The following RPGR variants were observed in gnomAD, a reference collection of about 807,000 sequenced individuals.
RPGR encodes retinitis pigmentosa GTPase regulator.
RPGR carries 10 observed loss-of-function variants against 56.3 expected under a neutral mutation model. That is an observed-to-expected ratio of 0.18 (90% CI 0.11 to 0.30). RPGR has a LOEUF of 0.30. Among genes scored for constraint, RPGR ranks in the 10% least tolerant of loss-of-function variants. The pLI is 1.00. For synonymous variants in RPGR, 197 were observed against 212.9 expected, an observed-to-expected ratio of 0.93 and a Z score of 0.65; for missense variants, 538 against 590.9, an observed-to-expected ratio of 0.91 and a Z score of 0.93.
At position 38,299,141 on chromosome X, in the gene RPGR, C is replaced by G; in HGVS notation, c.1060G>C (p.Val354Leu). ...ACCATGTGACATCCACCACAAGCAA[C>G]CTGCAGCATAAATCCACAGAAAAAC... Residue 354 changes from valine (V) to leucine (L), a missense_variant and splice_region_variant, in exon 10 of 19, where the codon GTT becomes CTT. Physicochemically the swap from Val to Leu is conservative, Grantham distance 32 (BLOSUM62 1). This residue lies in a region of RPGR where 181 missense variants were observed against 265.1 expected (regional missense o/e 0.68). Coordinates refer to ENST00000642395, the MANE Select transcript of RPGR (RefSeq NM_000328.3). 8.3e-7 allele frequency: 1 copy of G among 1,209,795 alleles called. No homozygotes were observed. The highest frequency in any genetic ancestry group is 3.0e-5 in the East Asian group (1 of 33,788).
At chrX:38,297,156 G>A (rs2067398724) in intron 11 of RPGR, 128 bp downstream of exon 11, 1 of 693,434 alleles carries the variant, frequency 1.4e-6, no homozygotes, top group South Asian at 2.4e-5. Flanking sequence ...GTTCAAATGA[G>A]TGATGTTAGG....
At chrX:38,281,349 G>A (rs2067027774) in intron 15 of RPGR, among the ~76,000 whole-genome samples, 1 of 112,080 alleles carries the variant, frequency 8.9e-6, no homozygotes, top group African/African-American at 3.3e-5. Context: ...CCACATGAGT[G>A]TGATCAGCGT....
chrX:38,321,357 T>C, intron 3 of RPGR, among the ~76,000 whole-genome samples: 1 of 111,508 alleles, frequency 9.0e-6, no homozygotes, highest in Admixed American at 9.5e-5. Context: ...GGCATTTATA[T>C]ATATAATTAT....
At chrX:38,319,985 C>G (rs1488421981) in intron 4 of RPGR, among the ~76,000 whole-genome samples, 1 of 111,537 alleles carries the variant, frequency 9.0e-6, no homozygotes, top group Non-Finnish European at 1.9e-5. Flanking sequence ...GGAAACAAGA[C>G]TAGCTTTCAA....
At chrX:38,303,317 GA>G (rs371659681) in intron 8 of RPGR, among the ~76,000 whole-genome samples, 2,267 of 98,377 alleles carry the variant, frequency 0.023, 37 homozygotes, top group Middle Eastern at 0.065. Flanking sequence ...AGTCCTGGAG[GA>G]AAAAAAAAAA....
chrX:38,316,874 T>C (rs1452184931), intron 6 of RPGR, among the ~76,000 whole-genome samples: 1 of 111,964 alleles, frequency 8.9e-6, no homozygotes, highest in Non-Finnish European at 1.9e-5. Context: ...TTCCTCTAGG[T>C]GTTTTTACTG....
intron 17 of RPGR, among the ~76,000 whole-genome samples, chrX:38,274,275 A>G (rs2147163782): frequency 9.0e-6 from 1 of 111,572 alleles, no homozygotes; most frequent in South Asian, 3.8e-4. Flanking sequence ...GCTCTCTGAC[A>G]CTGATAGGTA....
At chrX:38,272,857 T>C (rs1052699339) in intron 18 of RPGR, among the ~76,000 whole-genome samples, 9 of 112,003 alleles carry the variant, frequency 8.0e-5, no homozygotes, top group Non-Finnish European at 1.7e-4. Context: ...TCAACAGACA[T>C]CTGTGATAGG....
chrX:38,295,557 C>T (rs967345660), intron 11 of RPGR, among the ~76,000 whole-genome samples: 1 of 112,222 alleles, frequency 8.9e-6, no homozygotes, highest in African/African-American at 3.2e-5. Flanking sequence ...CTACATACTG[C>T]TTGCCAGAAT....
rs149742786 is a variant in RPGR, at chrX:38,299,025, C to G, written c.1176G>C (p.Pro392=). Residue 392 remains proline (P), a synonymous_variant, in exon 10 of 19, where the codon CCG becomes CCC. Coordinates refer to ENST00000642395, the MANE Select transcript of RPGR (RefSeq NM_000328.3). ...CATTTCCTGAGGTTAAACTGCTATA[C>G]GGCAGAAAAGTCGCCACAGATAAGC... The G allele has an allele frequency of 8.2e-4, 991 of 1,209,784 alleles. 2 individuals are homozygous for G. The highest frequency in any genetic ancestry group is 9.5e-4 in the South Asian group (54 of 56,806).
At chrX:38,270,458 C>CAAAAAAAAAAA (rs771458538) in intron 18 of RPGR, among the ~76,000 whole-genome samples, 2 of 76,555 alleles carry the variant, frequency 2.6e-5, no homozygotes, top group Non-Finnish European at 2.4e-5. Flanking sequence ...ACTACAAATA[C>CAAAAAAAAAAA]AAAAAAAAAA....
chrX:38,300,966 G>A (rs2067490900), intron 9 of RPGR, among the ~76,000 whole-genome samples: 1 of 111,891 alleles, frequency 8.9e-6, no homozygotes. Context: ...TACAAAGCCT[G>A]CGGGCATGGC....
intron 15 of RPGR, chrX:38,285,414 CTT>C (rs35637775): frequency 7.0e-5 from 72 of 1,026,300 alleles, no homozygotes; most frequent in Admixed American, 2.1e-4. Context: ...GCATCAGTTG[CTT>C]TTTTTTTTAC....
At chrX:38,317,766 T>C (rs759624939) in intron 5 of RPGR, 7 of 218,064 alleles carry the variant, frequency 3.2e-5, no homozygotes, top group Non-Finnish European at 5.8e-5. Flanking sequence ...TTTCCCATTC[T>C]GATGTTTCTA....
chrX:38,279,908 A>G (rs1478457336), intron 15 of RPGR, among the ~76,000 whole-genome samples: 2 of 107,603 alleles, frequency 1.9e-5, no homozygotes, highest in African/African-American at 6.9e-5. Flanking sequence ...TTTCAAGTAT[A>G]TATTTTTTTT....
chrX:38,326,165 T>C (rs921166768), intron 1 of RPGR, among the ~76,000 whole-genome samples: 13 of 111,559 alleles, frequency 1.2e-4, no homozygotes, highest in African/African-American at 4.2e-4. Flanking sequence ...GCTTCCCTGA[T>C]ACCCTCATCC....
intron 18 of RPGR, among the ~76,000 whole-genome samples, chrX:38,271,633 G>A (rs2066842027): frequency 8.9e-6 from 1 of 111,801 alleles, no homozygotes; most frequent in African/African-American, 3.3e-5. Flanking sequence ...AATGAGAAAT[G>A]AACTTAAAGT....
At chrX:38,314,626 G>A (rs1007976297) in intron 6 of RPGR, among the ~76,000 whole-genome samples, 1 of 111,562 alleles carries the variant, frequency 9.0e-6, no homozygotes, top group Admixed American at 9.5e-5. Flanking sequence ...ACAGCAATCA[G>A]GGATAATACC....
Position 38,310,643 on chromosome X carries a change from A to G in RPGR, c.750T>C (p.Cys250=), listed in dbSNP as rs745651741. The G allele has an allele frequency of 1.7e-6, 2 of 1,209,475 alleles. No homozygotes were observed. The highest frequency in any genetic ancestry group is 4.4e-5 in the Admixed American group (2 of 45,697). ...TGAGAACCACAGTATGCTCTCCACCACAGGCTACTTGGATCACCTTCTCCG... is the reference window on the plus strand; with the variant it reads ...TGAGAACCACAGTATGCTCTCCACCGCAGGCTACTTGGATCACCTTCTCCG... The change falls in exon 7 of 19, where the codon TGT becomes TGC. Residue 250 remains cysteine (C), a synonymous_variant. Coordinates refer to ENST00000642395, the MANE Select transcript of RPGR (RefSeq NM_000328.3).
Sources: allele counts gnomAD v4.1 joint callset (sites outside exome capture counted in the v4.1 genomes callset), GRCh38; gene constraint gnomAD v4.1.1; regional missense constraint gnomAD v4.1.1; transcripts MANE v1.5; gene names NCBI Gene and HGNC (gene_info 2026-07-23, HGNC 2026-07-21).